TANC2: variants seen among roughly 807,000 people sequenced by gnomAD.
The protein encoded by TANC2 is protein TANC2.
Under a neutral mutation model 210.5 loss-of-function variants are expected in TANC2, and 26 were observed. The ratio of observed to expected loss-of-function variants is 0.12; its 90% CI spans 0.09 to 0.17. TANC2 has a LOEUF of 0.17. Among genes scored for constraint, TANC2 ranks in the 10% least tolerant of loss-of-function variants. The pLI, the probability that TANC2 is intolerant of heterozygous loss-of-function variation, is 1.00. For missense variants in TANC2, 2,129 were observed against 2,608.9 expected (o/e 0.82, Z 4.01); for synonymous variants, 931 against 967.1 (o/e 0.96, Z 0.69).
intron 2 of TANC2, among the ~76,000 whole-genome samples, chr17:63,017,806 T>G (rs1410159260): frequency 6.6e-6 from 1 of 152,192 alleles, no homozygotes; most frequent in East Asian, 1.9e-4. Context: ...AAAATGTTTC[T>G]TATAATTTAT....
intron 9 of TANC2, among the ~76,000 whole-genome samples, chr17:63,313,099 G>C (rs183332730): frequency 2.6e-5 from 4 of 152,242 alleles, no homozygotes; most frequent in African/African-American, 9.6e-5. Context: ...AACGTATGAA[G>C]TATAAATTAT....
intron 9 of TANC2, 91 bp from the exon 10 acceptor site, chr17:63,314,297 A>G: frequency 7.0e-7 from 1 of 1,418,562 alleles, no homozygotes; most frequent in Non-Finnish European, 9.7e-7. Flanking sequence ...ATGATAACTC[A>G]AGTCCCTAAA....
intron 2 of TANC2, among the ~76,000 whole-genome samples, chr17:63,068,954 G>C (rs1215740660): frequency 2.6e-5 from 4 of 152,108 alleles, no homozygotes; most frequent in Non-Finnish European, 4.4e-5. Context: ...TACATATTAA[G>C]ATATAGCGGT....
At position 63,354,615 on chromosome 17, in the gene TANC2, C is replaced by T. The variant is rs183122021; in HGVS notation, c.1975-168C>T. ...TCTCAATGTTAGGAGAAGTTGTGTCCCTTCTATGCAACTAATTTGTTTTAC... is the reference window on the plus strand; with the variant it reads ...TCTCAATGTTAGGAGAAGTTGTGTCTCTTCTATGCAACTAATTTGTTTTAC... On this transcript the variant is annotated intron_variant, in intron 13 of 27. Coordinates refer to ENST00000689528, the Ensembl canonical transcript of TANC2. Among the ~76,000 whole-genome samples, 1,503 of 152,168 alleles carry T rather than the reference C, an allele frequency of 9.9e-3. 12 individuals are homozygous for T. Among genetic ancestry groups the T allele is most frequent in the South Asian group, 0.02 (94 of 4,814 alleles).
intron 4 of TANC2, among the ~76,000 whole-genome samples, chr17:63,115,169 C>T (rs538589709): frequency 6.6e-6 from 1 of 152,160 alleles, no homozygotes; most frequent in East Asian, 1.9e-4. Context: ...TAACTACTGG[C>T]ACAAGACAAT....
intron 14 of TANC2, among the ~76,000 whole-genome samples, chr17:63,377,199 A>C (rs1027168821): frequency 6.6e-6 from 1 of 152,184 alleles, no homozygotes; most frequent in Non-Finnish European, 1.5e-5. Context: ...AAAACCTTCA[A>C]CGTGCCCTGG....
intron 12 of TANC2, among the ~76,000 whole-genome samples, chr17:63,344,403 A>T (rs1468486598): frequency 6.6e-6 from 1 of 152,206 alleles, no homozygotes; most frequent in Non-Finnish European, 1.5e-5. Flanking sequence ...GAAATGTTGA[A>T]TGCTTTTTTC....
At chr17:63,104,671 A>G (rs2037755905) in intron 4 of TANC2, among the ~76,000 whole-genome samples, 1 of 152,232 alleles carries the variant, frequency 6.6e-6, no homozygotes, top group Non-Finnish European at 1.5e-5. Flanking sequence ...ATACATATGC[A>G]GACATACATA....
chr17:63,301,092 A>T (rs2044698143), intron 9 of TANC2, among the ~76,000 whole-genome samples: 1 of 152,114 alleles, frequency 6.6e-6, no homozygotes. Flanking sequence ...ATTGATTTGC[A>T]TATGCTGAAC....
rs1461046323 is a variant in TANC2, at chr17:63,412,574, GTGCTGCC to G, written c.3899-102_3899-96del. The stretch of plus-strand genomic sequence containing the variant: ...GAGGGTTGGCTGATATGCTGGCTTT[GTGCTGCC>G]TGCCTCTCACTGCTGCTTTTTCCTT... On this transcript the variant is annotated intron_variant, in intron 23 of 27. Coordinates refer to ENST00000689528, the Ensembl canonical transcript of TANC2. The surrounding 1 kb of genome is among the most constrained non-coding windows in gnomAD (Gnocchi z 4.2). 9.1e-7 allele frequency: 1 copy of G among 1,103,766 alleles called. No individual in the cohort carries two copies. Among genetic ancestry groups the G allele is most frequent in the Non-Finnish European group, 1.3e-6 (1 of 761,336 alleles). The allele number at this position is 1,103,766 out of a possible 1,614,324, so 68.4% of individuals were successfully genotyped here. A position where few individuals can be genotyped will look rare whatever the true frequency, so the allele number is the denominator to read the frequency against.
At chr17:63,314,597 C>A in exon 10 of TANC2, 1 of 1,613,988 alleles carries the variant, frequency 6.2e-7, no homozygotes, top group South Asian at 1.1e-5. Flanking sequence ...CATCTCCAGA[C>A]TGGTGGCCCT....
chr17:63,060,072 A>G (rs1400274563), intron 2 of TANC2, among the ~76,000 whole-genome samples: 3 of 152,208 alleles, frequency 2.0e-5, no homozygotes, highest in African/African-American at 4.8e-5. Flanking sequence ...TACTACCTTC[A>G]TAGCTCCTTT....
chr17:63,293,044 T>C (rs1471508740), intron 9 of TANC2, among the ~76,000 whole-genome samples: 2 of 152,238 alleles, frequency 1.3e-5, no homozygotes, highest in African/African-American at 2.4e-5. Context: ...TGAACATTTT[T>C]CAGACCATTA....
At chr17:63,165,939 T>C (rs1466538762) in intron 5 of TANC2, among the ~76,000 whole-genome samples, 1 of 152,186 alleles carries the variant, frequency 6.6e-6, no homozygotes, top group Non-Finnish European at 1.5e-5. Context: ...GAAATATCAG[T>C]CTTAGAAATT....
chr17:63,369,943 A>G (rs1159306378), intron 14 of TANC2, among the ~76,000 whole-genome samples: 1 of 151,674 alleles, frequency 6.6e-6, no homozygotes, highest in Non-Finnish European at 1.5e-5. Flanking sequence ...CCTTCCCTAC[A>G]CAAAAAAAAG....
chr17:63,231,325 G>C (rs549677919), intron 7 of TANC2, among the ~76,000 whole-genome samples: 1 of 152,228 alleles, frequency 6.6e-6, no homozygotes, highest in African/African-American at 2.4e-5. Flanking sequence ...TATTTTGCAG[G>C]CTTGTTGATG....
chr17:62,982,381 C>G (rs77831604), intron 1 of TANC2, among the ~76,000 whole-genome samples: 3,580 of 152,260 alleles, frequency 0.024, 52 homozygotes, highest in South Asian at 0.037. Context: ...TTAGTTCTCC[C>G]CACCTTACCA....
At chr17:63,313,440 T>C (rs909538763) in intron 9 of TANC2, 4 of 152,190 alleles carry the variant, frequency 2.6e-5, no homozygotes, top group Non-Finnish European at 5.9e-5. Context: ...AGATCTTCTT[T>C]TAAAGCACGT....
At chr17:63,037,800 G>A (rs959645407) in intron 2 of TANC2, among the ~76,000 whole-genome samples, 1 of 152,060 alleles carries the variant, frequency 6.6e-6, no homozygotes, top group African/African-American at 2.4e-5. Flanking sequence ...GCGGCAGACC[G>A]AGACTCCATC....
Sources: allele counts gnomAD v4.1 joint callset (sites outside exome capture counted in the v4.1 genomes callset), GRCh38; gene constraint gnomAD v4.1.1; non-coding constraint Gnocchi (gnomAD v3.1); transcripts MANE v1.5; gene names NCBI Gene and HGNC (gene_info 2026-07-23, HGNC 2026-07-21).